Variants in BZW1 observed in about 807,000 individuals in gnomAD.
The protein encoded by BZW1 is eIF5-mimic protein 2.
Under a neutral mutation model 54.1 loss-of-function variants are expected in BZW1, and 3 were observed. The ratio of observed to expected loss-of-function variants is 0.06; its 90% CI spans 0.03 to 0.14. The LOEUF is 0.14. Ranked by LOEUF, BZW1 falls within the 10% of genes least tolerant of loss-of-function variation. BZW1 has a pLI of 1.00. For synonymous variants in BZW1, 152 were observed against 162.7 expected (o/e 0.93, Z 0.50); for missense variants, 206 against 491.7 (o/e 0.42, Z 5.50).
In BZW1 at chr2:200,818,380, A is replaced by T; in HGVS notation, c.806A>T (p.Asp269Val). Residue 269 changes from aspartate to valine, a missense_variant, in exon 8 of 12, where the codon GAT becomes GTT. Coordinates refer to ENST00000409600, the MANE Select transcript of BZW1 (RefSeq NM_001207067.2). ...CTTCAAGAACAGATGTCCCGTGGTG[A>T]TCCATTTAAGGATGTAAGTTTTTGT... ...KELQEQMSRG[D>V]PFKDIILYVK... The T allele has an allele frequency of 1.3e-6, 2 of 1,599,278 alleles. No individual in the cohort carries two copies. The highest frequency in any genetic ancestry group is 8.5e-7 in the Non-Finnish European group (1 of 1,176,740).
In BZW1 at chr2:200,823,850, C is replaced by G. The variant is rs1239319968; in HGVS notation, c.*1672C>G. The G allele has an allele frequency of 6.6e-6, 1 of 152,142 alleles. No homozygotes were observed. Among genetic ancestry groups the G allele is most frequent in the Non-Finnish European group, 1.5e-5 (1 of 67,942 alleles). The allele number at this position is 152,142 out of a possible 1,614,324, so 9.4% of individuals were successfully genotyped here. ...ATACTTACACTTAGGCTTTATACAT[C>G]AGTCTTTTTTTTTTTAAATTCCATG... is the stretch of plus-strand genomic sequence containing the variant. On this transcript the variant is annotated 3_prime_UTR_variant, in exon 12 of 12. Transcript: ENST00000409600.
At chr2:200,816,777 C>G (rs2038308038) in intron 5 of BZW1, among the ~76,000 whole-genome samples, 1 of 152,196 alleles carries the variant, frequency 6.6e-6, no homozygotes, top group African/African-American at 2.4e-5. Flanking sequence ...TGTGAGCCAA[C>G]ACGCCTGGCC....
intron 6 of BZW1, among the ~76,000 whole-genome samples, chr2:200,817,692 A>G (rs113241435): frequency 6.6e-6 from 1 of 151,940 alleles, no homozygotes; most frequent in South Asian, 2.1e-4. Context: ...AAGTTACCTT[A>G]CTGTAATTCT....
rs1365386468 is a variant in BZW1, at chr2:200,818,285, C to A, written c.711C>A (p.Gly237=). ...TCACAAAATATTTTACTGAGGCAGGCTTGAAAGAGCTTTCAGAATATGTTC... is the reference window on the plus strand; with the variant it reads ...TCACAAAATATTTTACTGAGGCAGGATTGAAAGAGCTTTCAGAATATGTTC... ...EHFTKYFTEA[G]LKELSEYVRN... The change falls in exon 8 of 12, where the codon GGC becomes GGA. Residue 237 remains glycine (G), a synonymous_variant. Transcript: ENST00000409600. 3 of 1,610,474 alleles carry A rather than the reference C, an allele frequency of 1.9e-6. No homozygotes were observed. Among genetic ancestry groups the A allele is most frequent in the Non-Finnish European group, 2.5e-6 (3 of 1,178,690 alleles).
intron 10 of BZW1, 54 bp from the exon 11 acceptor site, chr2:200,821,129 A>G (rs2038492222): frequency 1.3e-6 from 2 of 1,586,152 alleles, no homozygotes; most frequent in South Asian, 1.1e-5. Flanking sequence ...TGGTGGTTCT[A>G]ACGCTGAGTA....
chr2:200,817,785 A>T (rs565008847), intron 6 of BZW1, among the ~76,000 whole-genome samples, 189 bp from the exon 7 acceptor site: 1 of 152,330 alleles, frequency 6.6e-6, no homozygotes, highest in South Asian at 2.1e-4. Context: ...CCAAGAATAT[A>T]CAATTTGCAA....
At chr2:200,817,038 A>C in intron 5 of BZW1, 68 bp from the exon 6 acceptor site, 1 of 1,553,542 alleles carries the variant, frequency 6.4e-7, no homozygotes, top group South Asian at 1.2e-5. Context: ...CCAGTATAAC[A>C]TGCTTTACTG....
At position 200,825,913 on chromosome 2, in the gene BZW1, G is replaced by C. The variant is rs1343758264; in HGVS notation, c.*3735G>C. The stretch of plus-strand genomic sequence containing the variant: ...TGTCTACAGGTGCCATATAAAATAG[G>C]TTGATAAGTATTTGCAAATTCTGGT... On this transcript the variant is annotated 3_prime_UTR_variant, in exon 12 of 12. Transcript: ENST00000409600. 6.6e-6 allele frequency: 1 copy of C among 152,194 alleles called. No individual in the cohort carries two copies. The highest frequency in any genetic ancestry group is 1.5e-5 in the Non-Finnish European group (1 of 68,034). 9.4% of individuals were successfully genotyped at this position (152,194 alleles called of 1,614,324 possible).
intron 10 of BZW1, 68 bp from the exon 11 acceptor site, chr2:200,821,115 T>G: frequency 1.9e-6 from 3 of 1,550,854 alleles, no homozygotes; most frequent in Admixed American, 1.9e-5. Context: ...ATTTGCACAT[T>G]AGGTGGTGGT....
At chr2:200,818,524 T>G in intron 8 of BZW1, 131 bp downstream of exon 8, 1 of 1,193,798 alleles carries the variant, frequency 8.4e-7, no homozygotes, top group South Asian at 1.5e-5. Flanking sequence ...GAACTTTGCC[T>G]CATTCTTTTG....
At chr2:200,812,291 G>A in intron 1 of BZW1, 4 of 1,232,552 alleles carry the variant, frequency 3.2e-6, no homozygotes, top group Non-Finnish European at 4.0e-6. Flanking sequence ...CAAAGCCGCC[G>A]CGGCCTCTGT....
In BZW1 at chr2:200,824,325, T is replaced by C. The variant is rs188686665; in HGVS notation, c.*2147T>C. On this transcript the variant is annotated 3_prime_UTR_variant, in exon 12 of 12. Transcript: ENST00000409600. ...CAGTGCCAGCCTATGGCCTCAAGTA[T>C]GTAATTCTTAATATAGATGTTAAAT... The C allele has an allele frequency of 1.9e-4, 29 of 152,302 alleles. No homozygotes were observed. Among genetic ancestry groups the C allele is most frequent in the African/African-American group, 7.0e-4 (29 of 41,568 alleles). 9.4% of individuals were successfully genotyped at this position (152,302 alleles called of 1,614,324 possible).
chr2:200,818,535 C>A (rs2038377810), intron 8 of BZW1, 142 bp downstream of exon 8: 2 of 1,126,062 alleles, frequency 1.8e-6, no homozygotes, highest in Non-Finnish European at 2.5e-6. Flanking sequence ...CATTCTTTTG[C>A]ATATGCTTCT....
In BZW1 at chr2:200,827,210, A is replaced by G. The variant is rs1452551107; in HGVS notation, c.*5032A>G. 1.3e-5 allele frequency: 2 copies of G among 152,210 alleles called. No individual in the cohort carries two copies. Among genetic ancestry groups the G allele is most frequent in the Admixed American group, 1.3e-4 (2 of 15,272 alleles). The allele number at this position is 152,210 out of a possible 1,614,324, so 9.4% of individuals were successfully genotyped here. On this transcript the variant is annotated 3_prime_UTR_variant, in exon 12 of 12. Transcript: ENST00000409600. ...AGCTCTTGGCACTCTAAAAAACCTC[A>G]AATACAGCCATCCAAGCCAGTAATT...
Position 200,826,410 on chromosome 2 carries a change from T to TAGATAGATAGATAGATAGATAGA in BZW1, c.*4232_*4233insAGATAGATAGATAGATAGATAGA, listed in dbSNP as rs1559318421. 1 of 55,948 alleles carries TAGATAGATAGATAGATAGATAGA rather than the reference T, an allele frequency of 1.8e-5. No individual in the cohort carries two copies. The highest frequency in any genetic ancestry group is 3.4e-5 in the Non-Finnish European group (1 of 29,798). The allele number at this position is 55,948 out of a possible 1,614,324, so 3.5% of individuals were successfully genotyped here. On this transcript the variant is annotated 3_prime_UTR_variant, in exon 12 of 12. Coordinates refer to ENST00000409600, the MANE Select transcript of BZW1 (RefSeq NM_001207067.2). ...ATAGATAGATAGATAGATAGATATT[T>TAGATAGATAGATAGATAGATAGA]TTTTTTTTTTTTTTTTTTTTTTTTT...
At chr2:200,817,370 A>G (rs2038333432) in intron 6 of BZW1, 129 bp downstream of exon 6, 2 of 1,204,686 alleles carry the variant, frequency 1.7e-6, no homozygotes, top group Non-Finnish European at 2.3e-6. Context: ...TAATAAGTTC[A>G]GTCTAATTCA....
Position 200,816,407 on chromosome 2 carries a change from A to G in BZW1, c.402+17A>G. On this transcript the variant is annotated intron_variant, in intron 5 of 11. Coordinates refer to ENST00000409600, the MANE Select transcript of BZW1 (RefSeq NM_001207067.2). ...GTAAAAAAGGTATGAGTAATAATGT[A>G]CTTTGTGGAAAAGAAAAAAATAGGG... 6.6e-7 allele frequency: 1 copy of G among 1,516,020 alleles called. No individual in the cohort carries two copies. Among genetic ancestry groups the G allele is most frequent in the South Asian group, 1.3e-5 (1 of 79,956 alleles). The allele number at this position is 1,516,020 out of a possible 1,614,324, so 93.9% of individuals were successfully genotyped here.
Position 200,824,362 on chromosome 2 carries a change from T to C in BZW1, c.*2184T>C, listed in dbSNP as rs2038634880. 6.6e-6 allele frequency: 1 copy of C among 152,168 alleles called. No individual in the cohort carries two copies. The highest frequency in any genetic ancestry group is 6.5e-5 in the Admixed American group (1 of 15,268). 9.4% of individuals were successfully genotyped at this position (152,168 alleles called of 1,614,324 possible). On this transcript the variant is annotated 3_prime_UTR_variant, in exon 12 of 12. Transcript: ENST00000409600. The stretch of plus-strand genomic sequence containing the variant: ...TATAGATGTTAAATTGTACTTTTAA[T>C]TATGATTGGATAAATGTTTTTTCTA...
chr2:200,821,084 C>A, intron 10 of BZW1, 99 bp from the exon 11 acceptor site: 1 of 1,398,642 alleles, frequency 7.1e-7, no homozygotes, highest in Non-Finnish European at 9.8e-7. Flanking sequence ...AGCTTTTCAG[C>A]AGTTTGTTTG....
Sources: gnomAD v4.1 joint callset for allele counts (sites outside exome capture counted in the v4.1 genomes callset) on GRCh38, gnomAD v4.1.1 for gene constraint, MANE v1.5 for transcripts, NCBI Gene and HGNC (gene_info 2026-07-23, HGNC 2026-07-21) for gene names.